Variants in UBE2H observed in about 807,000 individuals in gnomAD.
UBE2H encodes the protein ubiquitin conjugating enzyme E2 H.
Under a neutral mutation model 29.0 loss-of-function variants are expected in UBE2H, and 3 were observed. The ratio of observed to expected loss-of-function variants is 0.10; its 90% confidence interval spans 0.05 to 0.27. The LOEUF (loss-of-function observed/expected upper bound fraction) is 0.27. Ranked by LOEUF, UBE2H falls within the 10% of genes least tolerant of loss-of-function variation. UBE2H has a pLI of 1.00. For missense variants in UBE2H, 68 were observed against 228.2 expected (o/e 0.30, Z 4.52); for synonymous variants, 69 against 82.9 (o/e 0.83, Z 0.91).
At chr7:129,885,783 AG>A (rs1479160981) in intron 1 of UBE2H, among the ~76,000 whole-genome samples, 1 of 152,232 alleles carries the variant, frequency 6.6e-6, no homozygotes, top group Admixed American at 6.5e-5. Flanking sequence ...TAAATGAGAT[AG>A]AAAAAAGAAT....
chr7:129,910,126 C>T (rs909073728), intron 1 of UBE2H, among the ~76,000 whole-genome samples: 2 of 151,840 alleles, frequency 1.3e-5, no homozygotes, highest in Non-Finnish European at 2.9e-5. Flanking sequence ...GTCGGGAGTT[C>T]GAGACCAGTC....
chr7:129,900,394 A>T (rs1806686250), intron 1 of UBE2H, among the ~76,000 whole-genome samples: 1 of 152,224 alleles, frequency 6.6e-6, no homozygotes, highest in Non-Finnish European at 1.5e-5. Flanking sequence ...TAAATGTGAG[A>T]TCCCATAGAA....
chr7:129,900,065 G>C (rs1806678312), intron 1 of UBE2H, among the ~76,000 whole-genome samples: 2 of 151,264 alleles, frequency 1.3e-5, no homozygotes, highest in South Asian at 4.2e-4. Flanking sequence ...GGGAAGTGGA[G>C]ACTGCAGTGA....
chr7:129,856,344 A>AC lies in UBE2H; in HGVS notation c.298+1166dup, dbSNP rs1805704676. ...TTTCTTGTGCCTCTCAGCAATGGTTACCTGTACCATTCATTCTTTCAACCC... is the reference window on the plus strand; with the variant it reads ...TTTCTTGTGCCTCTCAGCAATGGTTACCCTGTACCATTCATTCTTTCAACCC... On this transcript the variant is annotated intron_variant, in intron 5 of 6. Coordinates refer to ENST00000355621, the MANE Select transcript of UBE2H (RefSeq NM_003344.4). 2.0e-5 allele frequency among the ~76,000 whole-genome samples: 3 copies of AC among 152,160 alleles called. No individual in the cohort carries two copies. In the South Asian group the frequency reaches 6.2e-4, roughly 31 times the overall value.
intron 1 of UBE2H, among the ~76,000 whole-genome samples, chr7:129,952,156 G>A (rs572705250): frequency 3.3e-5 from 5 of 151,898 alleles, no homozygotes; most frequent in Non-Finnish European, 7.4e-5. Flanking sequence ...ACAGGAGAGA[G>A]AAACCCTGAA....
At chr7:129,865,115 C>A in intron 3 of UBE2H, 2 of 405,742 alleles carry the variant, frequency 4.9e-6, no homozygotes. Flanking sequence ...TATTATATAT[C>A]TTAAAAAATA....
intron 5 of UBE2H, among the ~76,000 whole-genome samples, chr7:129,850,484 C>T (rs775548127): frequency 1.3e-5 from 2 of 152,166 alleles, no homozygotes; most frequent in Non-Finnish European, 2.9e-5. Flanking sequence ...AAGCTAGAAA[C>T]AGGTGTTCCT....
At chr7:129,946,443 T>C (rs1249512847) in intron 1 of UBE2H, among the ~76,000 whole-genome samples, 1 of 152,116 alleles carries the variant, frequency 6.6e-6, no homozygotes, top group African/African-American at 2.4e-5. Context: ...GATCAACAGG[T>C]TGAAAACAAT....
At chr7:129,842,808 CAGG>C (rs1359615300) in intron 5 of UBE2H, among the ~76,000 whole-genome samples, 3 of 151,764 alleles carry the variant, frequency 2.0e-5, no homozygotes, top group Non-Finnish European at 4.4e-5. Flanking sequence ...GAGGCTGAGG[CAGG>C]AGAATTGCTT....
chr7:129,947,155 G>A (rs932666206), intron 1 of UBE2H, among the ~76,000 whole-genome samples: 12 of 152,182 alleles, frequency 7.9e-5, no homozygotes, highest in South Asian at 2.1e-4. Context: ...TTAGGCTTGC[G>A]TGTAATTTAC....
At chr7:129,890,782 C>G (rs1397210438) in intron 1 of UBE2H, among the ~76,000 whole-genome samples, 1 of 152,096 alleles carries the variant, frequency 6.6e-6, no homozygotes, top group Non-Finnish European at 1.5e-5. Context: ...TTGAGGTTAT[C>G]AGTGGATAAA....
At position 129,835,005 on chromosome 7, in the gene UBE2H, C is replaced by G; in HGVS notation, c.484G>C (p.Gly162Arg). The G allele has an allele frequency of 6.2e-7, 1 of 1,614,098 alleles. No homozygotes were observed. The highest frequency in any genetic ancestry group is 8.5e-7 in the Non-Finnish European group (1 of 1,180,018). Residue 162 changes from glycine to arginine, a missense_variant, in exon 7 of 7, where the codon GGG (glycine) becomes CGG (arginine). Physicochemically the swap from Gly to Arg is moderately radical, Grantham distance 125 (BLOSUM62 -2). Transcript: ENST00000355621. ...ATAGAGCTCTCCGATGAGCTGTCCC[C>G]GGTACCCTCTTCCTGTTCTTTCAGC... The part of the protein sequence containing the change: ...EALKEQEEGT[G>R]DSSSESSMSD...
chr7:129,836,820 C>A (rs1474793946), intron 6 of UBE2H, among the ~76,000 whole-genome samples: 2 of 141,932 alleles, frequency 1.4e-5, no homozygotes, highest in Non-Finnish European at 3.0e-5. Flanking sequence ...GCAGAGGCTG[C>A]AGTGGGCCGA....
chr7:129,913,939 C>G (rs1317296960), intron 1 of UBE2H, among the ~76,000 whole-genome samples: 1 of 152,158 alleles, frequency 6.6e-6, no homozygotes, highest in Non-Finnish European at 1.5e-5. Context: ...GGAGATAACA[C>G]TTATAAAAGA....
intron 5 of UBE2H, among the ~76,000 whole-genome samples, chr7:129,849,338 G>A (rs1805567757): frequency 6.6e-6 from 1 of 152,210 alleles, no homozygotes; most frequent in Non-Finnish European, 1.5e-5. Flanking sequence ...AGCACTTTGG[G>A]AGGCTGAGGC....
chr7:129,948,643 G>C (rs915043228), intron 1 of UBE2H, among the ~76,000 whole-genome samples: 1 of 151,960 alleles, frequency 6.6e-6, no homozygotes, highest in Non-Finnish European at 1.5e-5. Context: ...GTCAGACCTC[G>C]GTCTCTACAA....
intron 1 of UBE2H, among the ~76,000 whole-genome samples, chr7:129,933,346 G>A (rs990601693): frequency 3.9e-5 from 6 of 152,182 alleles, no homozygotes; most frequent in African/African-American, 1.4e-4. Flanking sequence ...AATTTGTAAG[G>A]AGGAACTGGA....
chr7:129,900,460 CT>C (rs780143795), intron 1 of UBE2H, among the ~76,000 whole-genome samples: 1 of 152,264 alleles, frequency 6.6e-6, no homozygotes, highest in East Asian at 1.9e-4. Context: ...TTTGTATATA[CT>C]ATTTGATTTT....
chr7:129,948,965 A>T (rs1406244004), intron 1 of UBE2H: 1 of 456,630 alleles, frequency 2.2e-6, no homozygotes, highest in Non-Finnish European at 4.4e-6. Flanking sequence ...ATACTCCATC[A>T]GCTGTTTGGT....
Sources: allele counts gnomAD v4.1 joint callset (sites outside exome capture counted in the v4.1 genomes callset), GRCh38; gene constraint gnomAD v4.1.1; transcripts MANE v1.5; gene names NCBI Gene and HGNC (gene_info 2026-07-23, HGNC 2026-07-21).